Variants in RSRC1 observed in about 807,000 individuals in gnomAD.
The protein encoded by RSRC1 is arginine and serine rich coiled-coil 1, also known as serine/Arginine-related protein 53.
RSRC1 carries 39 observed loss-of-function variants against 49.1 expected under a neutral mutation model. The observed-to-expected ratio is 0.79, with a 90% CI of 0.61 to 1.04. RSRC1 has a LOEUF of 1.04. RSRC1 is among the 50% of genes least tolerant of loss of function. RSRC1 has a pLI of 0.00. For synonymous variants in RSRC1, 143 were observed against 130.8 expected, an observed-to-expected ratio of 1.09 and a Z score of -0.63; for missense variants, 388 against 402.4, an observed-to-expected ratio of 0.96 and a Z score of 0.31.
intron 6 of RSRC1, among the ~76,000 whole-genome samples, chr3:158,363,954 T>C (rs2108256001): frequency 6.6e-6 from 1 of 152,310 alleles, no homozygotes; most frequent in African/African-American, 2.4e-5. Context: ...CAGTTATACA[T>C]ACTGTATCCA....
chr3:158,537,183 T>A lies in RSRC1; in HGVS notation c.744T>A (p.Ser248Arg). The A allele has an allele frequency of 6.3e-7, 1 of 1,582,940 alleles. No homozygotes were observed. The highest frequency in any genetic ancestry group is 1.9e-5 in the Admixed American group (1 of 53,740). ...DSFVQQTFRSSKEVKKSVEPS... is the reference protein window; with the variant it reads ...DSFVQQTFRSRKEVKKSVEPS... Reference sequence around the variant, plus strand: ...TTGTTCAGCAGACATTCAGATCAAGTAAAGAAGTCAAAAAGGTAAGTTTTT... The same window carrying A: ...TTGTTCAGCAGACATTCAGATCAAGAAAAGAAGTCAAAAAGGTAAGTTTTT... Residue 248 changes from serine (S) to arginine (R), a missense_variant, in exon 8 of 10, where the codon AGT becomes AGA. Coordinates refer to ENST00000611884, the MANE Select transcript of RSRC1 (RefSeq NM_001271838.2).
chr3:158,399,651 A>G (rs1021829670), intron 6 of RSRC1, among the ~76,000 whole-genome samples: 3 of 152,150 alleles, frequency 2.0e-5, no homozygotes, highest in Non-Finnish European at 4.4e-5. Context: ...AGTGTTCAGT[A>G]ACTACATTTG....
chr3:158,473,442 T>TTAA (rs1331786644), intron 7 of RSRC1, among the ~76,000 whole-genome samples: 9 of 151,974 alleles, frequency 5.9e-5, no homozygotes. Context: ...ATGTTCTTAC[T>TTAA]CATAGGTGGG....
At chr3:158,404,223 CT>C (rs1734038907) in intron 6 of RSRC1, among the ~76,000 whole-genome samples, 1 of 151,664 alleles carries the variant, frequency 6.6e-6, no homozygotes, top group Non-Finnish European at 1.5e-5. Context: ...GTATCTTGTC[CT>C]TATGTGAAGT....
intron 6 of RSRC1, among the ~76,000 whole-genome samples, chr3:158,373,562 A>G (rs1339178854): frequency 1.3e-5 from 2 of 151,958 alleles, no homozygotes; most frequent in Non-Finnish European, 2.9e-5. Flanking sequence ...ACAATCTTAC[A>G]TTCCTGGGAG....
chr3:158,461,910 A>G (rs561297233), intron 7 of RSRC1, among the ~76,000 whole-genome samples: 1 of 151,592 alleles, frequency 6.6e-6, no homozygotes, highest in African/African-American at 2.4e-5. Context: ...CTTCCCAGCA[A>G]CTACATGGAA....
chr3:158,118,421 G>A (rs1171806303), intron 1 of RSRC1, among the ~76,000 whole-genome samples: 2 of 99,616 alleles, frequency 2.0e-5, no homozygotes, highest in African/African-American at 4.5e-5. Context: ...TTCTGTGTGT[G>A]TGTGTGTGTG....
chr3:158,351,707 G>A (rs1730884632), intron 5 of RSRC1, among the ~76,000 whole-genome samples: 1 of 151,738 alleles, frequency 6.6e-6, no homozygotes, highest in Non-Finnish European at 1.5e-5. Flanking sequence ...CTGAGATTTG[G>A]AGTCAGAGTC....
intron 6 of RSRC1, among the ~76,000 whole-genome samples, chr3:158,440,327 T>G (rs972184027): frequency 2.6e-5 from 4 of 152,030 alleles, no homozygotes; most frequent in Non-Finnish European, 5.9e-5. Context: ...GAGAGCCCTT[T>G]CTTGGAAAGA....
At chr3:158,169,714 T>A (rs538549154) in intron 3 of RSRC1, among the ~76,000 whole-genome samples, 2 of 152,286 alleles carry the variant, frequency 1.3e-5, no homozygotes, top group East Asian at 3.9e-4. Flanking sequence ...TGGGATAGGT[T>A]ACTCATTCTG....
intron 4 of RSRC1, among the ~76,000 whole-genome samples, chr3:158,227,669 G>C (rs998529417): frequency 6.6e-6 from 1 of 152,008 alleles, no homozygotes; most frequent in South Asian, 2.1e-4. Context: ...AAGTTGAAAG[G>C]CTATTTGGAA....
At chr3:158,284,566 C>G (rs1726393057) in intron 4 of RSRC1, among the ~76,000 whole-genome samples, 1 of 145,258 alleles carries the variant, frequency 6.9e-6, no homozygotes, top group South Asian at 2.2e-4. Flanking sequence ...TGTTTCCTGA[C>G]TTTTTAATGA....
intron 7 of RSRC1, among the ~76,000 whole-genome samples, chr3:158,493,900 G>A (rs1350550936): frequency 1.3e-5 from 2 of 152,082 alleles, no homozygotes; most frequent in Non-Finnish European, 2.9e-5. Context: ...CGAGTATGGA[G>A]GCATCCTTTA....
chr3:158,400,240 C>A (rs1022896249), intron 6 of RSRC1, among the ~76,000 whole-genome samples: 1 of 151,972 alleles, frequency 6.6e-6, no homozygotes, highest in Non-Finnish European at 1.5e-5. Context: ...TAATTCAGTA[C>A]ATTATGTGTT....
intron 4 of RSRC1, among the ~76,000 whole-genome samples, chr3:158,240,448 A>G (rs1723507205): frequency 6.6e-6 from 1 of 152,166 alleles, no homozygotes; most frequent in African/African-American, 2.4e-5. Context: ...ATTTTCTGTT[A>G]TTAATCTGTC....
At chr3:158,484,434 A>G (rs1259378102) in intron 7 of RSRC1, among the ~76,000 whole-genome samples, 1 of 152,148 alleles carries the variant, frequency 6.6e-6, no homozygotes, top group African/African-American at 2.4e-5. Flanking sequence ...TTTAAATGAA[A>G]ATAAGTAAAC....
At chr3:158,278,889 G>A (rs1322238334) in intron 4 of RSRC1, among the ~76,000 whole-genome samples, 1 of 152,018 alleles carries the variant, frequency 6.6e-6, no homozygotes, top group Non-Finnish European at 1.5e-5. Flanking sequence ...TTGCTTTCCT[G>A]TGAGTTGGAA....
At chr3:158,410,306 A>G (rs952739420) in intron 6 of RSRC1, among the ~76,000 whole-genome samples, 1 of 151,956 alleles carries the variant, frequency 6.6e-6, no homozygotes, top group Non-Finnish European at 1.5e-5. Flanking sequence ...TTTTCCATCT[A>G]CCTGAAATAC....
chr3:158,275,054 C>T (rs1353882785), intron 4 of RSRC1, among the ~76,000 whole-genome samples: 6 of 152,182 alleles, frequency 3.9e-5, no homozygotes, highest in Non-Finnish European at 7.3e-5. Flanking sequence ...TAAGCTCACA[C>T]TTGAAAGGTA....
Sources: gnomAD v4.1 joint callset for allele counts (sites outside exome capture counted in the v4.1 genomes callset) on GRCh38, gnomAD v4.1.1 for gene constraint, MANE v1.5 for transcripts, NCBI Gene and HGNC (gene_info 2026-07-23, HGNC 2026-07-21) for gene names.